SEMA3E: variants seen among roughly 807,000 people sequenced by gnomAD.
SEMA3E encodes the protein semaphorin-3E.
A neutral mutation model predicts 93.6 loss-of-function variants in SEMA3E; 49 were observed. The ratio of observed to expected loss-of-function variants is 0.52; its 90% CI spans 0.42 to 0.66. The LOEUF (loss-of-function observed/expected upper bound fraction) is 0.66. SEMA3E is among the 30% of genes least tolerant of loss of function. The pLI is 0.00. For synonymous variants in SEMA3E, 363 were observed against 330.7 expected, an observed-to-expected ratio of 1.10 and a Z score of -1.06; for missense variants, 906 against 964.8, an observed-to-expected ratio of 0.94 and a Z score of 0.81.
intron 1 of SEMA3E, among the ~76,000 whole-genome samples, chr7:83,539,868 T>TGTGA (rs1554336399): frequency 5.1e-4 from 76 of 149,196 alleles, no homozygotes; most frequent in African/African-American, 1.8e-3. Context: ...TGTGTGTGTG[T>TGTGA]GTGTGTGTGT....
intron 9 of SEMA3E, among the ~76,000 whole-genome samples, chr7:83,404,878 A>G (rs1323379271): frequency 6.6e-6 from 1 of 151,984 alleles, no homozygotes; most frequent in Non-Finnish European, 1.5e-5. Flanking sequence ...TCAGTGTTGG[A>G]GGAGAAAGTT....
rs537634288 is a variant in SEMA3E, at chr7:83,520,996, C to T, written c.116-30722G>A. Among the ~76,000 whole-genome samples, 7 of 152,168 alleles carry T rather than the reference C, an allele frequency of 4.6e-5. No homozygotes were observed. The South Asian group carries it at 1.5e-3, about 32-fold the overall frequency. On this transcript the variant is annotated intron_variant, in intron 1 of 16. Coordinates refer to ENST00000643230, the MANE Select transcript of SEMA3E (RefSeq NM_012431.3). ...AGATGTCAGCCACATGGCTAACTCCCTTTTCTGCAGTGTGCCTGTAAATAG... is the reference window on the plus strand; with the variant it reads ...AGATGTCAGCCACATGGCTAACTCCTTTTTCTGCAGTGTGCCTGTAAATAG...
At chr7:83,581,384 C>T (rs1462790901) in intron 1 of SEMA3E, among the ~76,000 whole-genome samples, 1 of 151,936 alleles carries the variant, frequency 6.6e-6, no homozygotes, top group African/African-American at 2.4e-5. Context: ...ATTTAAACTT[C>T]TGTGTTGCAA....
intron 4 of SEMA3E, among the ~76,000 whole-genome samples, chr7:83,432,788 T>C (rs1229822102): frequency 1.3e-5 from 2 of 152,124 alleles, no homozygotes; most frequent in African/African-American, 4.8e-5. Flanking sequence ...TAAACCAAGA[T>C]AAATGCATAA....
chr7:83,449,163 A>C (rs997856119), intron 4 of SEMA3E, among the ~76,000 whole-genome samples: 12 of 151,798 alleles, frequency 7.9e-5, no homozygotes, highest in African/African-American at 2.9e-4. Flanking sequence ...GCAGTGGCGT[A>C]ATCTTGGCTC....
chr7:83,613,537 C>G (rs1793306284), intron 1 of SEMA3E, among the ~76,000 whole-genome samples: 1 of 151,990 alleles, frequency 6.6e-6, no homozygotes, highest in Admixed American at 6.6e-5. Context: ...TGGGCCTACT[C>G]TAATATAATC....
intron 1 of SEMA3E, among the ~76,000 whole-genome samples, chr7:83,635,156 C>G (rs901514458): frequency 6.6e-6 from 1 of 151,926 alleles, no homozygotes; most frequent in South Asian, 2.1e-4. Context: ...CTTAAAATTA[C>G]TTTTTCCTTT....
intron 4 of SEMA3E, among the ~76,000 whole-genome samples, chr7:83,450,882 T>C (rs1332748544): frequency 6.6e-6 from 1 of 152,138 alleles, no homozygotes; most frequent in Admixed American, 6.6e-5. Flanking sequence ...TGGCAGAATC[T>C]ATATAATTAA....
chr7:83,404,594 C>T (rs1003394623), intron 9 of SEMA3E, among the ~76,000 whole-genome samples: 1 of 151,656 alleles, frequency 6.6e-6, no homozygotes, highest in Non-Finnish European at 1.5e-5. Context: ...ATTTGTGTGT[C>T]AAAATATATG....
At chr7:83,550,527 G>T (rs1584325191) in intron 1 of SEMA3E, among the ~76,000 whole-genome samples, 1 of 152,090 alleles carries the variant, frequency 6.6e-6, no homozygotes, top group Non-Finnish European at 1.5e-5. Context: ...TTTTCAAAAG[G>T]TAAACAAAAT....
intron 1 of SEMA3E, among the ~76,000 whole-genome samples, chr7:83,605,305 C>G (rs1366069376): frequency 6.6e-6 from 1 of 152,114 alleles, no homozygotes; most frequent in Non-Finnish European, 1.5e-5. Flanking sequence ...TGTTTCCTGA[C>G]TTTTTAATAA....
rs148137512 is a variant in SEMA3E, at chr7:83,581,220, C to T, written c.115+67208G>A. 4.1e-3 allele frequency among the ~76,000 whole-genome samples: 625 copies of T among 152,086 alleles called. 17 individuals are homozygous for T. Among genetic ancestry groups the T allele is most frequent in the Admixed American group, 0.036 (555 of 15,262 alleles). ...CTCATAGGTCTTTAAAAATAAAACT[C>T]AACACGTATTTACCAAATACCTGCC... On this transcript the variant is annotated intron_variant, in intron 1 of 16. Transcript: ENST00000643230.
At chr7:83,596,607 C>T (rs1317268823) in intron 1 of SEMA3E, among the ~76,000 whole-genome samples, 1 of 152,078 alleles carries the variant, frequency 6.6e-6, no homozygotes, top group Non-Finnish European at 1.5e-5. Context: ...AATCCTGGCT[C>T]TCCACCCTAC....
intron 1 of SEMA3E, among the ~76,000 whole-genome samples, chr7:83,505,159 A>G (rs952485069): frequency 6.6e-6 from 1 of 152,206 alleles, no homozygotes; most frequent in Non-Finnish European, 1.5e-5. Context: ...AAAAGGTCAT[A>G]GATAACCTTT....
intron 16 of SEMA3E, among the ~76,000 whole-genome samples, chr7:83,375,961 A>C (rs2116903263): frequency 6.6e-6 from 1 of 152,194 alleles, no homozygotes. Context: ...GTGCAACTAA[A>C]AAATGAGATA....
intron 1 of SEMA3E, among the ~76,000 whole-genome samples, chr7:83,522,338 A>G (rs1791066360): frequency 6.6e-6 from 1 of 152,056 alleles, no homozygotes; most frequent in South Asian, 2.1e-4. Flanking sequence ...TCAACACAAC[A>G]GAGAACCAGA....
At chr7:83,567,229 A>G (rs1256318349) in intron 1 of SEMA3E, among the ~76,000 whole-genome samples, 2 of 152,176 alleles carry the variant, frequency 1.3e-5, no homozygotes, top group Non-Finnish European at 2.9e-5. Context: ...CTAAACGTAT[A>G]TGTGCCCAAC....
chr7:83,580,337 C>T (rs1792494005), intron 1 of SEMA3E, among the ~76,000 whole-genome samples: 1 of 152,012 alleles, frequency 6.6e-6, no homozygotes, highest in African/African-American at 2.4e-5. Flanking sequence ...CTGACCTCAT[C>T]TTCTCCATCA....
At chr7:83,456,942 ATAT>A (rs1050008965) in intron 4 of SEMA3E, among the ~76,000 whole-genome samples, 2 of 152,118 alleles carry the variant, frequency 1.3e-5, no homozygotes, top group Non-Finnish European at 2.9e-5. Context: ...TAAATTAATG[ATAT>A]TATTACATTT....
Sources: gnomAD v4.1 joint callset for allele counts (sites outside exome capture counted in the v4.1 genomes callset) on GRCh38, gnomAD v4.1.1 for gene constraint, MANE v1.5 for transcripts, NCBI Gene and HGNC (gene_info 2026-07-23, HGNC 2026-07-21) for gene names.